The following FECH variants were observed in gnomAD, a reference collection of about 807,000 sequenced individuals.
FECH encodes the protein ferrochelatase.
A neutral mutation model predicts 56.9 loss-of-function variants in FECH; 40 were observed. That is an observed-to-expected ratio of 0.70 (90% CI 0.55 to 0.92). The LOEUF (loss-of-function observed/expected upper bound fraction) is 0.92. Among genes scored for constraint, FECH ranks in the 40% least tolerant of loss-of-function variants. The pLI, the probability that FECH is intolerant of heterozygous loss-of-function variation, is 0.00. For missense variants in FECH, 431 were observed against 529.1 expected (o/e 0.81, Z 1.82); for synonymous variants, 175 against 198.6 (o/e 0.88, Z 1.00).
intron 4 of FECH, among the ~76,000 whole-genome samples, chr18:57,568,568 G>A (rs1424384893): frequency 6.6e-6 from 1 of 152,156 alleles, no homozygotes; most frequent in Admixed American, 6.5e-5. Flanking sequence ...ATGCAGGGAT[G>A]AGAAGGAGCC....
chr18:57,562,791 G>T (rs1326218427), intron 6 of FECH, 83 bp downstream of exon 6: 7 of 992,212 alleles, frequency 7.1e-6, no homozygotes, highest in Non-Finnish European at 9.7e-6. Context: ...AGGCTCAGAA[G>T]GACATCCACA....
chr18:57,573,177 C>T (rs2051138481), intron 3 of FECH, 69 bp downstream of exon 3: 6 of 1,496,352 alleles, frequency 4.0e-6, no homozygotes, highest in African/African-American at 1.4e-5. Flanking sequence ...TGGTTTGAAA[C>T]TACAGAATTG....
chr18:57,545,638 T>C lies in FECH; in HGVS notation c.*5074A>G, dbSNP rs1425402048. Reference sequence around the variant, plus strand: ...CATCATATTCGTGCCATTCAACAAATATTAGCAGCATCAATTTACTTCTCT... The same window carrying C: ...CATCATATTCGTGCCATTCAACAAACATTAGCAGCATCAATTTACTTCTCT... On this transcript the variant is annotated 3_prime_UTR_variant, in exon 11 of 11. Coordinates refer to ENST00000262093, the MANE Select transcript of FECH (RefSeq NM_000140.5). Among the ~76,000 whole-genome samples the C allele has an allele frequency of 6.6e-6, 1 of 152,176 alleles. No homozygotes were observed. Among genetic ancestry groups the C allele is most frequent in the Non-Finnish European group, 1.5e-5 (1 of 68,032 alleles).
chr18:57,565,056 C>T (rs1360075755), intron 5 of FECH, among the ~76,000 whole-genome samples: 1 of 152,220 alleles, frequency 6.6e-6, no homozygotes, highest in Non-Finnish European at 1.5e-5. Context: ...TCAAGAAAAA[C>T]TAAGCATACA....
chr18:57,561,777 C>G (rs1053733519), intron 6 of FECH, among the ~76,000 whole-genome samples: 13 of 152,206 alleles, frequency 8.5e-5, no homozygotes, highest in African/African-American at 3.1e-4. Context: ...CTGAAACCCC[C>G]CTCCTTTCCA....
chr18:57,552,350 T>C (rs1316174449), intron 9 of FECH, among the ~76,000 whole-genome samples: 1 of 152,086 alleles, frequency 6.6e-6, no homozygotes, highest in Non-Finnish European at 1.5e-5. Context: ...TTTCTTTTGA[T>C]AGCTTTTCAA....
chr18:57,569,614 T>A (rs975712662), intron 4 of FECH, among the ~76,000 whole-genome samples: 3 of 152,110 alleles, frequency 2.0e-5, no homozygotes, highest in Non-Finnish European at 2.9e-5. Flanking sequence ...TGTATTGCTT[T>A]TTCAAGTCTG....
Position 57,580,144 on chromosome 18 carries a change from A to C in FECH, c.123T>G (p.Ala41=), listed in dbSNP as rs1208293642. 1 of 1,614,188 alleles carries C rather than the reference A, an allele frequency of 6.2e-7. No individual in the cohort carries two copies. The highest frequency in any genetic ancestry group is 1.1e-5 in the South Asian group (1 of 91,078). The change falls in exon 2 of 11, where the codon GCT becomes GCG. Residue 41 remains alanine (A), a synonymous_variant. Transcript: ENST00000262093. ...CQPWRWKSGA[A]AAAVTTETAQ... is the part of the protein sequence containing the mutation. The stretch of plus-strand genomic sequence containing the variant: ...CTGTTTCTGTGGTGACGGCCGCTGC[A>C]GCTGCACCTGACTTCCACCTCCATG...
intron 7 of FECH, among the ~76,000 whole-genome samples, chr18:57,555,788 A>G (rs2050859931): frequency 6.6e-6 from 1 of 152,214 alleles, no homozygotes. Flanking sequence ...ATGGCTGGAA[A>G]CAGTGCCTGG....
At chr18:57,561,831 G>A (rs552376861) in intron 6 of FECH, among the ~76,000 whole-genome samples, 42 of 152,318 alleles carry the variant, frequency 2.8e-4, no homozygotes, top group Admixed American at 1.0e-3. Context: ...TGGTGCTTCA[G>A]GCAGTACTGG....
At position 57,566,493 on chromosome 18, in the gene FECH, C is replaced by A; in HGVS notation, c.552G>T (p.Arg184Ser). 1 of 1,614,174 alleles carries A rather than the reference C, an allele frequency of 6.2e-7. No homozygotes were observed. The highest frequency in any genetic ancestry group is 8.5e-7 in the Non-Finnish European group (1 of 1,180,028). ...IEEMERDGLERAIAFTQYPQY... is the reference protein window; with the variant it reads ...IEEMERDGLESAIAFTQYPQY... ...GTGGATACTGTGTGAAAGCAATAGC[C>A]CTTTCTAGGCCATCTCTCTCCATCT... Residue 184 changes from arginine (R) to serine (S), a missense_variant, in exon 5 of 11, where the codon AGG becomes AGT. By Grantham distance (110) the Arg-to-Ser change is moderately radical. Transcript: ENST00000262093.
In FECH at chr18:57,560,572, G is replaced by A. The variant is rs545374784; in HGVS notation, c.706-1329C>T. Among the ~76,000 whole-genome samples the A allele has an allele frequency of 2.7e-4, 41 of 152,278 alleles. 1 individual carries two copies. The South Asian group carries it at 7.7e-3, about 28-fold the overall frequency. ...AGGCTGAGGCGGGAGGATCACCTGG[G>A]CCCAGAAGGTTAAGGTTGCAGTGAG... is the stretch of plus-strand genomic sequence containing the variant. On this transcript the variant is annotated intron_variant, in intron 6 of 10. Transcript: ENST00000262093.
intron 3 of FECH, 114 bp from the exon 4 acceptor site, chr18:57,571,654 T>C (rs1054795185): frequency 2.9e-5 from 43 of 1,498,228 alleles, no homozygotes; most frequent in Non-Finnish European, 2.0e-5. Flanking sequence ...CTAACAAGAT[T>C]AAGCCTTTAA....
At position 57,571,540 on chromosome 18, in the gene FECH, A is replaced by C. The variant is rs745345072; in HGVS notation, c.315T>G (p.Asn105Lys). The change falls in exon 4 of 11, where the codon AAT (asparagine) becomes AAG (lysine). Residue 105 changes from asparagine (N) to lysine (K), a missense_variant and splice_region_variant. Coordinates refer to ENST00000262093, the MANE Select transcript of FECH (RefSeq NM_000140.5). ...GTTTGGCGATGAATGGTGCCAGCTT[A>C]CTAAATCATTTAACATACAGGTAAG... ...DRDLMTLPIQ[N>K]KLAPFIAKRR... is the part of the protein sequence containing the mutation. 6.2e-7 allele frequency: 1 copy of C among 1,614,028 alleles called. No individual in the cohort carries two copies. Among genetic ancestry groups the C allele is most frequent in the African/African-American group, 1.3e-5 (1 of 74,920 alleles).
chr18:57,577,824 G>A (rs1003345395), intron 2 of FECH, among the ~76,000 whole-genome samples: 2 of 152,086 alleles, frequency 1.3e-5, no homozygotes, highest in Admixed American at 1.3e-4. Context: ...GGAGGTTGAG[G>A]CAGGAGGACT....
intron 2 of FECH, among the ~76,000 whole-genome samples, chr18:57,577,485 A>T (rs1020723558): frequency 6.6e-6 from 1 of 152,230 alleles, no homozygotes; most frequent in Non-Finnish European, 1.5e-5. Flanking sequence ...CCAAGCATTA[A>T]GCAGCACAAT....
rs1490679518 is a variant in FECH, at chr18:57,571,384, C to T, written c.463+8G>A. 2 of 1,613,976 alleles carry T rather than the reference C, an allele frequency of 1.2e-6. No homozygotes were observed. The highest frequency in any genetic ancestry group is 1.7e-6 in the Non-Finnish European group (2 of 1,179,888). On this transcript the variant is annotated splice_region_variant and intron_variant, in intron 4 of 10. Transcript: ENST00000262093. ...ATCTAGTTACATGTTAATGAAGAAA[C>T]ACCATACCTGTGTTGGGGGACAATT... is the stretch of plus-strand genomic sequence containing the variant.
intron 10 of FECH, 60 bp from the exon 11 acceptor site, chr18:57,550,906 G>GC (rs777748032): frequency 3.3e-5 from 53 of 1,607,962 alleles, no homozygotes; most frequent in Non-Finnish European, 4.3e-5. Flanking sequence ...CGTCTGCCAT[G>GC]CCCCCTCCTC....
chr18:57,563,604 A>AAAAAAAAAAAT (rs2050976313), intron 5 of FECH, among the ~76,000 whole-genome samples: 12 of 149,300 alleles, frequency 8.0e-5, no homozygotes, highest in Non-Finnish European at 1.3e-4. Context: ...AAAAAAAAAA[A>AAAAAAAAAAAT]GTATGTTATT....
Sources: gnomAD v4.1 joint callset for allele counts (sites outside exome capture counted in the v4.1 genomes callset) on GRCh38, gnomAD v4.1.1 for gene constraint, MANE v1.5 for transcripts, NCBI Gene and HGNC (gene_info 2026-07-23, HGNC 2026-07-21) for gene names.